Variants in ZBTB16 observed in about 807,000 individuals in gnomAD.
The protein encoded by ZBTB16 is zinc finger and BTB domain-containing protein 16.
Under a neutral mutation model 56.8 loss-of-function variants are expected in ZBTB16, and 8 were observed. That is an observed-to-expected ratio of 0.14 (90% CI 0.08 to 0.25). The LOEUF is 0.25. Among genes scored for constraint, ZBTB16 ranks in the 10% least tolerant of loss-of-function variants. The pLI, the probability that ZBTB16 is intolerant of heterozygous loss-of-function variation, is 1.00. For synonymous variants in ZBTB16, 363 were observed against 368.5 expected (o/e 0.98, Z 0.17); for missense variants, 625 against 903.0 (o/e 0.69, Z 3.95).
At chr11:114,232,811 C>T (rs987498922) in intron 4 of ZBTB16, among the ~76,000 whole-genome samples, 2 of 152,206 alleles carry the variant, frequency 1.3e-5, no homozygotes, top group African/African-American at 4.8e-5. Flanking sequence ...TGTTCTGCCT[C>T]CCACCCCCAT....
chr11:114,212,597 C>T (rs1361261034), intron 4 of ZBTB16, among the ~76,000 whole-genome samples: 1 of 152,236 alleles, frequency 6.6e-6, no homozygotes, highest in Non-Finnish European at 1.5e-5. Context: ...GTTGCGGAGT[C>T]AGGCACTGGG....
chr11:114,228,439 A>G (rs1394298535), intron 4 of ZBTB16, among the ~76,000 whole-genome samples: 1 of 152,166 alleles, frequency 6.6e-6, no homozygotes, highest in Non-Finnish European at 1.5e-5. Context: ...GAGCCACTGA[A>G]TTTCAGTTGG....
intron 4 of ZBTB16, chr11:114,210,866 GC>G: frequency 4.8e-6 from 1 of 208,604 alleles, no homozygotes; most frequent in East Asian, 7.2e-5. Flanking sequence ...TCTGAAACTA[GC>G]CTAGTTTCTG....
intron 4 of ZBTB16, among the ~76,000 whole-genome samples, chr11:114,200,653 GC>G (rs989110641): frequency 2.6e-5 from 4 of 152,132 alleles, no homozygotes; most frequent in African/African-American, 9.7e-5. Flanking sequence ...GGTCTGAGTT[GC>G]CCCTTCACTC....
In ZBTB16 at chr11:114,059,923, G is replaced by A. The variant is rs1033727412; in HGVS notation, c.-91+41G>A. The A allele has an allele frequency of 2.8e-5, 11 of 396,208 alleles. No homozygotes were observed. The highest frequency in any genetic ancestry group is 8.9e-6 in the Non-Finnish European group (2 of 224,780). The allele number at this position is 396,208 out of a possible 1,614,324, so 24.5% of individuals were successfully genotyped here. On this transcript the variant is annotated intron_variant, in intron 1 of 6. Coordinates refer to ENST00000335953, the MANE Select transcript of ZBTB16 (RefSeq NM_006006.6). The surrounding 1 kb of genome is among the most constrained non-coding windows in gnomAD (Gnocchi z 5.3). Reference sequence around the variant, plus strand: ...GGAAGAGGCGCACCGCCCAGCGAGCGCCGCGCGCCGGGGCTTCCCGGGGCT... The same window carrying A: ...GGAAGAGGCGCACCGCCCAGCGAGCACCGCGCGCCGGGGCTTCCCGGGGCT...
At chr11:114,176,787 A>G (rs899495463) in intron 3 of ZBTB16, among the ~76,000 whole-genome samples, 2 of 152,206 alleles carry the variant, frequency 1.3e-5, no homozygotes, top group Non-Finnish European at 2.9e-5. Flanking sequence ...TCAGGCAGTG[A>G]CAGTCAGGAC....
At chr11:114,074,226 G>T (rs951185508) in intron 2 of ZBTB16, among the ~76,000 whole-genome samples, 1 of 152,188 alleles carries the variant, frequency 6.6e-6, no homozygotes, top group South Asian at 2.1e-4. Context: ...CTCACCCGGC[G>T]TTGTGCTCTA....
chr11:114,150,056 A>G (rs1942245167), intron 2 of ZBTB16, among the ~76,000 whole-genome samples: 1 of 152,252 alleles, frequency 6.6e-6, no homozygotes, highest in Non-Finnish European at 1.5e-5. Context: ...TAAGGAACTT[A>G]TAAATGGCTT....
At position 114,242,160 on chromosome 11, in the gene ZBTB16, C is replaced by T; in HGVS notation, c.1454-7C>T. On this transcript the variant is annotated splice_region_variant and splice_polypyrimidine_tract_variant and intron_variant, in intron 4 of 6. Coordinates refer to ENST00000335953, the MANE Select transcript of ZBTB16 (RefSeq NM_006006.6). ...TTCTGAGGCACCCCCTCTCCTGTCT[C>T]CCACAGGCACTGACATGGCCGTCTT... 1 of 1,613,646 alleles carries T rather than the reference C, an allele frequency of 6.2e-7. No homozygotes were observed. Among genetic ancestry groups the T allele is most frequent in the Non-Finnish European group, 8.5e-7 (1 of 1,179,876 alleles).
At chr11:114,198,209 A>G (rs1943650589) in intron 4 of ZBTB16, among the ~76,000 whole-genome samples, 1 of 152,222 alleles carries the variant, frequency 6.6e-6, no homozygotes, top group Non-Finnish European at 1.5e-5. Context: ...AGCATTTCAC[A>G]TTCTGTGCCA....
intron 2 of ZBTB16, among the ~76,000 whole-genome samples, chr11:114,074,223 G>A (rs111346189): frequency 2.2e-4 from 33 of 152,112 alleles, no homozygotes; most frequent in African/African-American, 6.3e-4. Flanking sequence ...ACCCTCACCC[G>A]GCGTTGTGCT....
chr11:114,135,546 G>A (rs1273506120), intron 2 of ZBTB16, among the ~76,000 whole-genome samples: 4 of 152,098 alleles, frequency 2.6e-5, no homozygotes, highest in African/African-American at 9.7e-5. Context: ...ATGGGCCCAG[G>A]AATGAGAGCA....
chr11:114,097,990 C>CAA (rs1940479454), intron 2 of ZBTB16, among the ~76,000 whole-genome samples: 1 of 152,158 alleles, frequency 6.6e-6, no homozygotes, highest in Non-Finnish European at 1.5e-5. Flanking sequence ...CGTATGTGGT[C>CAA]AGGTTTTCAG....
intron 2 of ZBTB16, among the ~76,000 whole-genome samples, chr11:114,084,929 G>A (rs146754739): frequency 6.6e-6 from 1 of 152,344 alleles, no homozygotes; most frequent in African/African-American, 2.4e-5. Context: ...TTAGTGGGCA[G>A]AGTCTAGGGG....
chr11:114,150,625 G>A lies in ZBTB16; in HGVS notation c.1269-5712G>A, dbSNP rs146753976. 3.4e-3 allele frequency among the ~76,000 whole-genome samples: 515 copies of A among 152,302 alleles called. 9 individuals carry two copies. The highest frequency in any genetic ancestry group is 4.3e-3 in the Non-Finnish European group (292 of 68,028). ...TCTTAAAATTAGAGCACAGAATGCC[G>A]TTGACTATTTCACCTTTCCTTTGTC... On this transcript the variant is annotated intron_variant, in intron 2 of 6. Coordinates refer to ENST00000335953, the MANE Select transcript of ZBTB16 (RefSeq NM_006006.6).
intron 4 of ZBTB16, among the ~76,000 whole-genome samples, chr11:114,195,202 C>T (rs1943577243): frequency 6.6e-6 from 1 of 152,172 alleles, no homozygotes. Flanking sequence ...AACTTGGCTG[C>T]TGAGCTCCAG....
intron 2 of ZBTB16, among the ~76,000 whole-genome samples, chr11:114,085,383 C>A (rs995310458): frequency 6.6e-6 from 1 of 152,182 alleles, no homozygotes; most frequent in African/African-American, 2.4e-5. Context: ...AAAGCATTTA[C>A]TGAGCATCAC....
At chr11:114,248,400 G>A (rs527806445) in intron 6 of ZBTB16, among the ~76,000 whole-genome samples, 25 of 152,216 alleles carry the variant, frequency 1.6e-4, no homozygotes, top group Non-Finnish European at 3.4e-4. Flanking sequence ...ATTGGCCACT[G>A]TAGGAGTATT....
chr11:114,082,637 A>T (rs1007607328), intron 2 of ZBTB16, among the ~76,000 whole-genome samples: 1 of 151,990 alleles, frequency 6.6e-6, no homozygotes, highest in Non-Finnish European at 1.5e-5. Flanking sequence ...TTAGTGCGTG[A>T]TCATCAGCTC....
Sources: gnomAD v4.1 joint callset for allele counts (sites outside exome capture counted in the v4.1 genomes callset) on GRCh38, gnomAD v4.1.1 for gene constraint, Gnocchi (gnomAD v3.1) non-coding constraint, MANE v1.5 for transcripts, NCBI Gene and HGNC (gene_info 2026-07-23, HGNC 2026-07-21) for gene names.